Variants in KHDRBS1 observed in about 807,000 individuals in gnomAD.
KHDRBS1 encodes KH domain-containing, RNA-binding, signal transduction-associated protein 1.
A neutral mutation model predicts 48.4 loss-of-function variants in KHDRBS1; 7 were observed. That is an observed-to-expected ratio of 0.14 (90% CI 0.08 to 0.27). KHDRBS1 has a LOEUF of 0.27. KHDRBS1 is among the 10% of genes least tolerant of loss of function. The pLI, the probability that KHDRBS1 is intolerant of heterozygous loss-of-function variation, is 1.00. For synonymous variants in KHDRBS1, 241 were observed against 235.8 expected, an observed-to-expected ratio of 1.02 and a Z score of -0.20; for missense variants, 458 against 601.2, an observed-to-expected ratio of 0.76 and a Z score of 2.49.
In KHDRBS1 at chr1:32,042,405, G is replaced by C; in HGVS notation, c.1235-122G>C. 7.7e-6 allele frequency: 5 copies of C among 648,638 alleles called. No individual in the cohort carries two copies. The Admixed American group carries it at 1.3e-4, about 17-fold the overall frequency. 40.2% of individuals were successfully genotyped at this position (648,638 alleles called of 1,614,324 possible). On this transcript the variant is annotated intron_variant, in intron 8 of 8. Transcript: ENST00000327300. ...AAGTAGAGAGCAAGGAACACCAGGGGAAGTGTCAAGACATTAGAAGAAACT... is the reference window on the plus strand; with the variant it reads ...AAGTAGAGAGCAAGGAACACCAGGGCAAGTGTCAAGACATTAGAAGAAACT...
chr1:32,039,978 G>T (rs145085014), intron 8 of KHDRBS1, among the ~76,000 whole-genome samples: 69 of 151,860 alleles, frequency 4.5e-4, no homozygotes, highest in African/African-American at 1.6e-3. Context: ...GAACTTAATC[G>T]TACACAACTG....
chr1:32,026,912 A>G (rs1638983561), intron 1 of KHDRBS1, among the ~76,000 whole-genome samples: 1 of 152,070 alleles, frequency 6.6e-6, no homozygotes, highest in African/African-American at 2.4e-5. Flanking sequence ...CTCCTCCCTC[A>G]GCCTCCTCGG....
rs1226915630 is a variant in KHDRBS1 at position 32,034,821 on chromosome 1, C to CA, written c.771+1497dup. Among the ~76,000 whole-genome samples the CA allele has an allele frequency of 7.0e-5, 10 of 142,018 alleles. No homozygotes were observed. The East Asian group carries it at 1.1e-3, about 15-fold the overall frequency. The allele number at this position is 142,018 out of a possible 152,430, so 93.2% of individuals were successfully genotyped here. On this transcript the variant is annotated intron_variant, in intron 4 of 8. Coordinates refer to ENST00000327300, the MANE Select transcript of KHDRBS1 (RefSeq NM_006559.3). ...TGAAACCCCGTCTCTACTAAAAATT[C>CA]AAAAAAAAAATTAGCTGGGCGTGGT...
At chr1:32,022,535 A>G (rs776150316) in intron 1 of KHDRBS1, among the ~76,000 whole-genome samples, 35 of 152,112 alleles carry the variant, frequency 2.3e-4, no homozygotes, top group Non-Finnish European at 4.3e-4. Flanking sequence ...TCTCCTAGAA[A>G]TACTCGCTCT....
chr1:32,038,075 G>C, intron 6 of KHDRBS1, 39 bp downstream of exon 6: 1 of 1,608,358 alleles, frequency 6.2e-7, no homozygotes, highest in East Asian at 2.2e-5. Context: ...CCAGTACCTA[G>C]AAGGCTGCTA....
intron 1 of KHDRBS1, among the ~76,000 whole-genome samples, chr1:32,025,969 G>A (rs564972474): frequency 3.1e-4 from 46 of 148,646 alleles, no homozygotes; most frequent in Non-Finnish European, 6.2e-4. Context: ...GGTAGAGACA[G>A]GGTCTCGCTG....
chr1:32,024,928 A>G (rs948540736), intron 1 of KHDRBS1, among the ~76,000 whole-genome samples: 5 of 149,094 alleles, frequency 3.4e-5, no homozygotes, highest in Non-Finnish European at 7.4e-5. Flanking sequence ...TGGTGTCACT[A>G]TGCTTCAGCC....
intron 10 of KHDRBS1, among the ~76,000 whole-genome samples, chr1:32,055,904 C>T (rs774079852): frequency 7.9e-5 from 12 of 152,156 alleles, no homozygotes; most frequent in Non-Finnish European, 1.5e-4. Flanking sequence ...ACTCTATTGT[C>T]TATTCTGGCT....
intron 10 of KHDRBS1, among the ~76,000 whole-genome samples, chr1:32,058,664 A>G (rs1324011616): frequency 2.6e-5 from 4 of 152,172 alleles, no homozygotes; most frequent in African/African-American, 4.8e-5. Context: ...CTAGCCGAGC[A>G]TGGTAGCACA....
chr1:32,013,886 G>C lies in KHDRBS1; in HGVS notation c.-110G>C. 9.3e-7 allele frequency: 1 copy of C among 1,075,118 alleles called. No individual in the cohort carries two copies. The highest frequency in any genetic ancestry group is 1.2e-6 in the Non-Finnish European group (1 of 823,284). 66.6% of individuals were successfully genotyped at this position (1,075,118 alleles called of 1,614,324 possible). A position where few individuals can be genotyped will look rare whatever the true frequency, so the allele number is the denominator to read the frequency against. ...GTGCTCTCTCTCGCTGGGTCGCTCG[G>C]GTCGGCTTCGGTCGCTACCGCTCCC... On this transcript the variant is annotated 5_prime_UTR_variant, in exon 1 of 9. Coordinates refer to ENST00000327300, the MANE Select transcript of KHDRBS1 (RefSeq NM_006559.3).
intron 10 of KHDRBS1, among the ~76,000 whole-genome samples, chr1:32,057,330 G>A (rs897657795): frequency 3.3e-5 from 5 of 152,070 alleles, no homozygotes; most frequent in Admixed American, 2.6e-4. Context: ...TAGGCAGGTG[G>A]CTAATTTTTT....
At chr1:32,016,160 A>G (rs1411365617) in intron 1 of KHDRBS1, among the ~76,000 whole-genome samples, 4 of 151,720 alleles carry the variant, frequency 2.6e-5, no homozygotes, top group Non-Finnish European at 5.9e-5. Context: ...CCTGGGCAAC[A>G]AGAGCTAAAC....
chr1:32,042,286 C>T (rs1196048862), intron 8 of KHDRBS1, among the ~76,000 whole-genome samples: 3 of 152,230 alleles, frequency 2.0e-5, no homozygotes, highest in Non-Finnish European at 2.9e-5. Context: ...TGGGAGATTA[C>T]TCCAGAGTCA....
rs554128778 is a variant in KHDRBS1 at position 32,019,804 on chromosome 1, C to T, written c.382+5427C>T. On this transcript the variant is annotated intron_variant, in intron 1 of 8. Transcript: ENST00000327300. ...TTGTTTGTTTTGAGATTGAGTCTCG[C>T]TCTGTCGCTCACGCTGGAGTGCAGT... 2.8e-4 allele frequency among the ~76,000 whole-genome samples: 42 copies of T among 152,146 alleles called. No homozygotes were observed. In the South Asian group the frequency reaches 7.3e-3, roughly 26 times the overall value.
At chr1:32,031,434 C>G in intron 2 of KHDRBS1, 90 bp from the exon 3 acceptor site, 1 of 757,576 alleles carries the variant, frequency 1.3e-6, no homozygotes, top group Non-Finnish European at 2.2e-6. Context: ...TCTACCTTTG[C>G]AGGGTTGTTT....
At position 32,042,917 on chromosome 1, in the gene KHDRBS1, T is replaced by TA. The variant is rs575856498; in HGVS notation, c.*301dup. ...ATAAACAGAAGTGTACCTTTTATAA[T>TA]AAAAAAAAGAAGTTGAGTAAAAAAA... On this transcript the variant is annotated 3_prime_UTR_variant, in exon 9 of 9. Transcript: ENST00000327300. The TA allele has an allele frequency of 8.9e-5, 16 of 179,570 alleles. No individual in the cohort carries two copies. The highest frequency in any genetic ancestry group is 5.8e-4 in the South Asian group (3 of 5,172). The allele number at this position is 179,570 out of a possible 1,614,324, so 11.1% of individuals were successfully genotyped here. A position where few individuals can be genotyped will look rare whatever the true frequency, so the allele number is the denominator to read the frequency against.
intron 10 of KHDRBS1, among the ~76,000 whole-genome samples, chr1:32,050,887 G>C (rs1639411044): frequency 6.7e-6 from 1 of 150,204 alleles, no homozygotes; most frequent in East Asian, 2.0e-4. Flanking sequence ...TGGGGTGGGG[G>C]TTCAAATTAT....
intron 1 of KHDRBS1, among the ~76,000 whole-genome samples, chr1:32,026,772 A>G (rs776031138): frequency 7.2e-5 from 11 of 152,134 alleles, no homozygotes; most frequent in Non-Finnish European, 1.5e-4. Flanking sequence ...GACATAGATA[A>G]AATGAAGTAT....
Position 32,042,871 on chromosome 1 carries a change from T to C in KHDRBS1, c.*247T>C, listed in dbSNP as rs1639305477. The C allele has an allele frequency of 3.5e-6, 1 of 288,432 alleles. No homozygotes were observed. Among genetic ancestry groups the C allele is most frequent in the Admixed American group, 4.8e-5 (1 of 20,844 alleles). The allele number at this position is 288,432 out of a possible 1,614,324, so 17.9% of individuals were successfully genotyped here. A position where few individuals can be genotyped will look rare whatever the true frequency, so the allele number is the denominator to read the frequency against. On this transcript the variant is annotated 3_prime_UTR_variant, in exon 9 of 9. Transcript: ENST00000327300. ...ATTAATTTTTTAAGTGTGTAGATGCTTTTTTCTTTGTTGTTTAAATATAAA... is the reference window on the plus strand; with the variant it reads ...ATTAATTTTTTAAGTGTGTAGATGCCTTTTTCTTTGTTGTTTAAATATAAA...
Sources: gnomAD v4.1 joint callset for allele counts (sites outside exome capture counted in the v4.1 genomes callset) on GRCh38, gnomAD v4.1.1 for gene constraint, MANE v1.5 for transcripts, NCBI Gene and HGNC (gene_info 2026-07-23, HGNC 2026-07-21) for gene names.